Variants in RERE observed in about 807,000 individuals in gnomAD.
RERE encodes the protein arginine-glutamic acid dipeptide repeats protein.
RERE carries 40 observed loss-of-function variants against 146.1 expected under a neutral mutation model. The ratio of observed to expected loss-of-function variants is 0.27; its 90% CI spans 0.21 to 0.36. The LOEUF (loss-of-function observed/expected upper bound fraction) is 0.36. Among genes scored for constraint, RERE ranks in the 10% least tolerant of loss-of-function variants. The pLI is 1.00. For missense variants in RERE, 1,933 were observed against 2,138.7 expected, an observed-to-expected ratio of 0.90 and a Z score of 1.90; for synonymous variants, 1,003 against 866.0, an observed-to-expected ratio of 1.16 and a Z score of -2.78.
intron 10 of RERE, among the ~76,000 whole-genome samples, chr1:8,472,744 G>A (rs1306770843): frequency 2.0e-5 from 3 of 152,160 alleles, no homozygotes; most frequent in East Asian, 1.9e-4. Context: ...GAAAGCTAGG[G>A]AGGGGAGAAG....
chr1:8,457,945 G>T (rs894449164), intron 11 of RERE, among the ~76,000 whole-genome samples: 16 of 152,102 alleles, frequency 1.1e-4, no homozygotes, highest in Non-Finnish European at 2.4e-4. Flanking sequence ...CAGGAGAGAG[G>T]AGGTAGCTTT....
chr1:8,695,452 G>C (rs1370683335), intron 1 of RERE, among the ~76,000 whole-genome samples: 1 of 151,930 alleles, frequency 6.6e-6, no homozygotes, highest in Admixed American at 6.6e-5. Context: ...CACAGCAAAA[G>C]AAACTATCAA....
chr1:8,433,334 T>C (rs983535478), intron 11 of RERE, among the ~76,000 whole-genome samples: 1 of 152,192 alleles, frequency 6.6e-6, no homozygotes, highest in Non-Finnish European at 1.5e-5. Flanking sequence ...AAAGACATCT[T>C]GTCTTGCATG....
chr1:8,666,105 G>A (rs575500415), intron 1 of RERE, among the ~76,000 whole-genome samples: 24 of 152,238 alleles, frequency 1.6e-4, no homozygotes, highest in Admixed American at 4.6e-4. Flanking sequence ...CTTAAAAGCC[G>A]AGTTATCCAA....
At chr1:8,641,459 G>T (rs1315438536) in intron 2 of RERE, among the ~76,000 whole-genome samples, 1 of 152,176 alleles carries the variant, frequency 6.6e-6, no homozygotes, top group Non-Finnish European at 1.5e-5. Flanking sequence ...AAGGACAGAG[G>T]ATTTTAATAT....
At chr1:8,484,819 T>A (rs1308334474) in intron 10 of RERE, among the ~76,000 whole-genome samples, 2 of 152,250 alleles carry the variant, frequency 1.3e-5, no homozygotes, top group Non-Finnish European at 2.9e-5. Flanking sequence ...CCAATGTTAC[T>A]AAGAAATCCC....
At chr1:8,420,110 C>G (rs1306449693) in intron 12 of RERE, among the ~76,000 whole-genome samples, 3 of 152,184 alleles carry the variant, frequency 2.0e-5, no homozygotes, top group Non-Finnish European at 4.4e-5. Flanking sequence ...ATGCTGACAC[C>G]CTTCTCAAGT....
rs571432854 is a variant in RERE at position 8,360,107 on chromosome 1, C to A, written c.3395+5G>T. 6.3e-7 allele frequency: 1 copy of A among 1,576,516 alleles called. No homozygotes were observed. The highest frequency in any genetic ancestry group is 8.6e-7 in the Non-Finnish European group (1 of 1,159,228). ...TGACCCGTCCTGGAGCCCTAGGAAG[C>A]GTACCTAGCTGACTGGCTGGCGTGA... On this transcript the variant is annotated splice_donor_5th_base_variant and intron_variant, in intron 18 of 22. Transcript: ENST00000400908.
intron 12 of RERE, among the ~76,000 whole-genome samples, chr1:8,371,616 C>T (rs1471399153): frequency 6.6e-6 from 1 of 152,222 alleles, no homozygotes; most frequent in African/African-American, 2.4e-5. Flanking sequence ...ACTTTCTCCT[C>T]CTCAGCCACC....
chr1:8,441,007 C>T (rs1453198886), intron 11 of RERE, among the ~76,000 whole-genome samples: 4 of 55,882 alleles, frequency 7.2e-5, no homozygotes, highest in Non-Finnish European at 1.4e-4. Flanking sequence ...TTTTGTTTTT[C>T]GGGGGGGTGG....
chr1:8,774,465 T>G (rs1352332656), intron 1 of RERE, among the ~76,000 whole-genome samples: 1 of 149,944 alleles, frequency 6.7e-6, no homozygotes, highest in African/African-American at 2.5e-5. Context: ...GCGATTCTCC[T>G]GCCTCAGCCT....
chr1:8,727,787 C>T (rs982443718), intron 1 of RERE, among the ~76,000 whole-genome samples: 2 of 152,130 alleles, frequency 1.3e-5, no homozygotes, highest in South Asian at 2.1e-4. Context: ...CCACTGAGCC[C>T]GGCCAATTAC....
intron 4 of RERE, among the ~76,000 whole-genome samples, chr1:8,599,037 T>C (rs967663133): frequency 6.6e-6 from 1 of 152,192 alleles, no homozygotes; most frequent in African/African-American, 2.4e-5. Context: ...GCACTGCCCA[T>C]GACAGGACCT....
At chr1:8,708,564 A>C (rs1374174725) in intron 1 of RERE, among the ~76,000 whole-genome samples, 1 of 152,030 alleles carries the variant, frequency 6.6e-6, no homozygotes, top group Non-Finnish European at 1.5e-5. Context: ...GACCTCACTG[A>C]ATCCACCCAC....
At chr1:8,710,495 CAT>C (rs1323897415) in intron 1 of RERE, among the ~76,000 whole-genome samples, 1 of 152,190 alleles carries the variant, frequency 6.6e-6, no homozygotes, top group Non-Finnish European at 1.5e-5. Flanking sequence ...TACTTTCCAA[CAT>C]AGTCCCAAAC....
chr1:8,465,940 C>G lies in RERE; in HGVS notation c.1188G>C (p.Trp396Cys). ...TCCTGCTCACCACTTCGTCCTCGGT[C>G]CAGCACTTCTCGATGAGCTTGGGCA... ...KPVPKLIEKCWTEDEVKRFVK... is the reference protein window; with the variant it reads ...KPVPKLIEKCCTEDEVKRFVK... Residue 396 changes from tryptophan to cysteine, a missense_variant, in exon 11 of 23, where the codon TGG becomes TGC. Trp to Cys is a radical substitution (Grantham distance 215). Around this residue, in one of 11 missense-constraint regions of RERE, gnomAD observed 260 missense variants for 378.4 expected, o/e 0.69. Transcript: ENST00000400908. The G allele has an allele frequency of 6.2e-7, 1 of 1,614,140 alleles. No individual in the cohort carries two copies. Among genetic ancestry groups the G allele is most frequent in the East Asian group, 2.2e-5 (1 of 44,886 alleles).
chr1:8,358,637 G>A lies in RERE; in HGVS notation c.3898C>T (p.Arg1300Cys), dbSNP rs774376666. 1.9e-5 allele frequency: 30 copies of A among 1,586,640 alleles called. No homozygotes were observed. Among genetic ancestry groups the A allele is most frequent in the African/African-American group, 4.0e-5 (3 of 74,274 alleles). Residue 1300 changes from arginine (R) to cysteine (C), a missense_variant, in exon 20 of 23, where the codon CGC becomes TGC. Transcript: ENST00000400908. ...PGLYNVDPTI[R>C]ERELREREIR... is the part of the protein sequence containing the mutation. ...TCCCGCTCCCGGAGCTCCCGCTCGCGGATGGTGGGGTCGACGTTGTAGAGG... is the reference window on the plus strand; with the variant it reads ...TCCCGCTCCCGGAGCTCCCGCTCGCAGATGGTGGGGTCGACGTTGTAGAGG...
At chr1:8,484,363 G>A (rs1644871475) in intron 10 of RERE, among the ~76,000 whole-genome samples, 1 of 151,488 alleles carries the variant, frequency 6.6e-6, no homozygotes, top group Non-Finnish European at 1.5e-5. Context: ...TCTTTCTGGG[G>A]AAACACCATT....
chr1:8,498,707 A>AAAAT (rs1349043055), intron 8 of RERE, among the ~76,000 whole-genome samples: 7 of 132,298 alleles, frequency 5.3e-5, no homozygotes, highest in African/African-American at 2.2e-4. Context: ...AAAAAAAAAA[A>AAAAT]AATAAAAAAA....
Sources: allele counts gnomAD v4.1 joint callset (sites outside exome capture counted in the v4.1 genomes callset), GRCh38; gene constraint gnomAD v4.1.1; regional missense constraint gnomAD v4.1.1; transcripts MANE v1.5; gene names NCBI Gene and HGNC (gene_info 2026-07-23, HGNC 2026-07-21).